The following GRIK2 variants were observed in gnomAD, a reference collection of about 807,000 sequenced individuals.
GRIK2 encodes glutamate ionotropic receptor kainate type subunit 2, also known as glutamate receptor ionotropic, kainate 2.
GRIK2 carries 32 observed loss-of-function variants against 100.3 expected under a neutral mutation model. The ratio of observed to expected loss-of-function variants is 0.32; its 90% confidence interval spans 0.24 to 0.43. The LOEUF is 0.43. Among genes scored for constraint, GRIK2 ranks in the 20% least tolerant of loss-of-function variants. GRIK2 has a pLI of 1.00. For synonymous variants in GRIK2, 417 were observed against 389.4 expected, an observed-to-expected ratio of 1.07 and a Z score of -0.83; for missense variants, 843 against 1,114.9, an observed-to-expected ratio of 0.76 and a Z score of 3.47.
intron 12 of GRIK2, among the ~76,000 whole-genome samples, chr6:101,906,665 G>T (rs755164079): frequency 2.0e-5 from 3 of 151,698 alleles, no homozygotes; most frequent in Non-Finnish European, 4.4e-5. Flanking sequence ...TGGCATTTCA[G>T]TGTTGAGAAT....
chr6:101,848,429 A>C (rs1783930450), intron 10 of GRIK2, among the ~76,000 whole-genome samples: 1 of 152,106 alleles, frequency 6.6e-6, no homozygotes, highest in South Asian at 2.1e-4. Context: ...TAAAGGAAAA[A>C]ATTTGAACCT....
chr6:101,975,547 T>G (rs1391603786), intron 14 of GRIK2, among the ~76,000 whole-genome samples: 2 of 151,972 alleles, frequency 1.3e-5, no homozygotes, highest in Non-Finnish European at 2.9e-5. Flanking sequence ...AGGAATCCAT[T>G]GGACTTTCTG....
intron 6 of GRIK2, among the ~76,000 whole-genome samples, chr6:101,684,719 A>ATTT (rs11418216): frequency 1.7e-4 from 24 of 138,936 alleles, no homozygotes; most frequent in African/African-American, 5.8e-4. Flanking sequence ...GAAAATCTGG[A>ATTT]TTTTTTTTTT....
At chr6:102,045,644 A>G (rs1357228168) in intron 15 of GRIK2, among the ~76,000 whole-genome samples, 1 of 152,082 alleles carries the variant, frequency 6.6e-6, no homozygotes, top group Non-Finnish European at 1.5e-5. Context: ...TTATCTAATA[A>G]TGCAAAGAAC....
chr6:101,858,388 T>TCG (rs1327914745), intron 10 of GRIK2, among the ~76,000 whole-genome samples: 1 of 140,358 alleles, frequency 7.1e-6, no homozygotes, highest in Non-Finnish European at 1.5e-5. Context: ...TTTTTTTTCT[T>TCG]TTTTTTTTTT....
At chr6:101,951,907 C>G (rs933113215) in intron 14 of GRIK2, among the ~76,000 whole-genome samples, 5 of 152,124 alleles carry the variant, frequency 3.3e-5, no homozygotes, top group Admixed American at 3.3e-4. Context: ...TGAGAAGTAA[C>G]TAATACATAG....
rs534374052 is a variant in GRIK2, at chr6:101,813,094, T to G, written c.1204-5276T>G. Among the ~76,000 whole-genome samples, 45 of 152,108 alleles carry G rather than the reference T, an allele frequency of 3.0e-4. 1 individual carries two copies. Among genetic ancestry groups the G allele is most frequent in the Non-Finnish European group, 5.0e-4 (34 of 67,912 alleles). ...TGCATATACATAAATGTACTATATA[T>G]AGAGATACATGCATACATCTACATA... On this transcript the variant is annotated intron_variant, in intron 9 of 16. Coordinates refer to ENST00000369134, the MANE Select transcript of GRIK2 (RefSeq NM_021956.5).
intron 14 of GRIK2, among the ~76,000 whole-genome samples, chr6:101,994,374 TA>T: frequency 6.6e-6 from 1 of 151,910 alleles, no homozygotes; most frequent in East Asian, 1.9e-4. Context: ...AATGAAATGA[TA>T]AATCTTTTTC....
intron 7 of GRIK2, among the ~76,000 whole-genome samples, chr6:101,721,752 T>A (rs967174776): frequency 4.7e-4 from 72 of 152,078 alleles, no homozygotes; most frequent in African/African-American, 1.7e-3. Context: ...TTTCATGCCT[T>A]TGACTTTTCT....
chr6:101,863,892 C>T (rs570462132), intron 11 of GRIK2, among the ~76,000 whole-genome samples: 1 of 151,618 alleles, frequency 6.6e-6, no homozygotes, highest in African/African-American at 2.4e-5. Context: ...AATCCCAGCA[C>T]TTTGGGAGGC....
chr6:101,896,180 G>A (rs1787429827), intron 12 of GRIK2, among the ~76,000 whole-genome samples: 1 of 151,688 alleles, frequency 6.6e-6, no homozygotes, highest in Admixed American at 6.6e-5. Context: ...TGTATCTTTA[G>A]TAGAACCAAA....
intron 7 of GRIK2, among the ~76,000 whole-genome samples, chr6:101,709,196 A>G (rs1205407160): frequency 6.6e-6 from 1 of 151,776 alleles, no homozygotes; most frequent in Admixed American, 6.6e-5. Context: ...CTGCAAGCCA[A>G]TGAGTAGTAG....
intron 14 of GRIK2, among the ~76,000 whole-genome samples, chr6:101,943,884 G>A (rs141207797): frequency 1.7e-3 from 266 of 152,272 alleles, no homozygotes; most frequent in African/African-American, 5.7e-3. Flanking sequence ...GCATGATTGC[G>A]TTTTGAAATG....
intron 11 of GRIK2, among the ~76,000 whole-genome samples, chr6:101,881,859 A>C (rs1333305359): frequency 6.6e-6 from 1 of 152,100 alleles, no homozygotes; most frequent in Middle Eastern, 3.2e-3. Context: ...TCCCTAAAAA[A>C]TAAATAAATA....
intron 12 of GRIK2, among the ~76,000 whole-genome samples, chr6:101,910,474 A>G (rs1023342258): frequency 2.0e-5 from 3 of 151,368 alleles, no homozygotes; most frequent in African/African-American, 7.3e-5. Context: ...GAAAGGAGAT[A>G]GAAGCCAAAT....
chr6:101,736,409 G>T (rs1045245918), intron 7 of GRIK2, among the ~76,000 whole-genome samples: 2 of 152,162 alleles, frequency 1.3e-5, no homozygotes, highest in South Asian at 2.1e-4. Flanking sequence ...GCAAACTTCT[G>T]CTTGGGCATC....
At chr6:101,665,828 G>T (rs550093807) in intron 4 of GRIK2, among the ~76,000 whole-genome samples, 2 of 152,272 alleles carry the variant, frequency 1.3e-5, no homozygotes, top group Admixed American at 6.5e-5. Context: ...GCCATCAAAG[G>T]TGACACCTCT....
chr6:101,564,998 T>C (rs1017994236), intron 2 of GRIK2, among the ~76,000 whole-genome samples: 1 of 152,056 alleles, frequency 6.6e-6, no homozygotes, highest in Non-Finnish European at 1.5e-5. Flanking sequence ...TACAAAAAAA[T>C]ATGTCTCAGG....
chr6:102,006,390 A>ATATATATATTTTTT (rs1315524835), intron 14 of GRIK2, among the ~76,000 whole-genome samples: 260 of 114,062 alleles, frequency 2.3e-3, no homozygotes, highest in Non-Finnish European at 3.7e-3. Flanking sequence ...ATATATATAT[A>ATATATATATTTTTT]TTTTTTTTTT....
Sources: gnomAD v4.1 joint callset for allele counts (sites outside exome capture counted in the v4.1 genomes callset) on GRCh38, gnomAD v4.1.1 for gene constraint, MANE v1.5 for transcripts, NCBI Gene and HGNC (gene_info 2026-07-23, HGNC 2026-07-21) for gene names.